Variants in CDH18 observed in about 807,000 individuals in gnomAD.
The protein encoded by CDH18 is cadherin-18.
In CDH18, 31 loss-of-function variants were observed where a neutral mutation model predicts 67.9. The ratio of observed to expected loss-of-function variants is 0.46; its 90% CI spans 0.34 to 0.62. The LOEUF is 0.62. CDH18 is among the 20% of genes least tolerant of loss of function. The probability of loss-of-function intolerance (pLI) is 0.01; values close to 1 mark genes in which losing one functional copy is unlikely to be tolerated. For synonymous variants in CDH18, 362 were observed against 347.2 expected, an observed-to-expected ratio of 1.04 and a Z score of -0.48; for missense variants, 890 against 975.5, an observed-to-expected ratio of 0.91 and a Z score of 1.17.
At chr5:19,564,032 C>G (rs569979725) in intron 8 of CDH18, among the ~76,000 whole-genome samples, 3 of 152,280 alleles carry the variant, frequency 2.0e-5, no homozygotes, top group South Asian at 4.1e-4. Flanking sequence ...GCCTTTAGAC[C>G]AGCACAGGCT....
At chr5:20,193,107 T>C (rs1029010211) in intron 2 of CDH18, among the ~76,000 whole-genome samples, 2 of 152,122 alleles carry the variant, frequency 1.3e-5, no homozygotes, top group African/African-American at 4.8e-5. Context: ...ATTCTCTTTG[T>C]AGCAATTGTG....
chr5:20,421,652 G>A (rs11743074), intron 1 of CDH18, among the ~76,000 whole-genome samples: 119,212 of 150,602 alleles, frequency 0.79, 47,875 homozygotes, highest in Admixed American at 0.87. Flanking sequence ...AAACTGCAGA[G>A]TCATGGGTTA....
chr5:19,908,334 T>C (rs1002517270), intron 2 of CDH18, among the ~76,000 whole-genome samples: 2 of 152,102 alleles, frequency 1.3e-5, no homozygotes, highest in Non-Finnish European at 2.9e-5. Context: ...AAAACTTTAA[T>C]CTCATTTAAC....
chr5:20,461,502 T>A (rs1176404332), intron 1 of CDH18, among the ~76,000 whole-genome samples: 2 of 152,110 alleles, frequency 1.3e-5, no homozygotes, highest in Non-Finnish European at 2.9e-5. Flanking sequence ...GGAGATTCCC[T>A]CAAACCTGAT....
In CDH18 at chr5:19,916,212, T is replaced by C. The variant is rs545185526; in HGVS notation, c.-257+64848A>G. 5.3e-5 allele frequency among the ~76,000 whole-genome samples: 8 copies of C among 152,276 alleles called. No individual in the cohort carries two copies. The Middle Eastern group carries it at 0.014, about 259-fold the overall frequency. ...GCCACACGTCCTTTATGCCAGCCCA[T>C]AGAGCACTGCAAGATCTGGCCTCTA... On this transcript the variant is annotated intron_variant, in intron 2 of 12. Coordinates refer to ENST00000382275, the MANE Select transcript of CDH18 (RefSeq NM_004934.5).
chr5:20,567,711 G>A (rs1758592471), intron 1 of CDH18, among the ~76,000 whole-genome samples: 1 of 152,156 alleles, frequency 6.6e-6, no homozygotes, highest in African/African-American at 2.4e-5. Flanking sequence ...AGCTGGAAAA[G>A]GAGAAATGTT....
Position 19,617,281 on chromosome 5 carries a change from C to G in CDH18, c.644-4680G>C, listed in dbSNP as rs183883921. Among the ~76,000 whole-genome samples, 1,070 of 152,152 alleles carry G rather than the reference C, an allele frequency of 7.0e-3. 7 individuals are homozygous for G. The highest frequency in any genetic ancestry group is 0.02 in the African/African-American group (839 of 41,522). Reference sequence around the variant, plus strand: ...ATTTTTCTCAATTGTAAAAGGTAAGCCAATGGATAAAGATAGAATAAACTA... The same window carrying G: ...ATTTTTCTCAATTGTAAAAGGTAAGGCAATGGATAAAGATAGAATAAACTA... On this transcript the variant is annotated intron_variant, in intron 5 of 12. Coordinates refer to ENST00000382275, the MANE Select transcript of CDH18 (RefSeq NM_004934.5).
chr5:19,910,464 C>G (rs1483798080), intron 2 of CDH18, among the ~76,000 whole-genome samples: 2 of 152,224 alleles, frequency 1.3e-5, no homozygotes, highest in East Asian at 3.9e-4. Flanking sequence ...GAATTTAGCT[C>G]TATTCAGTTG....
intron 5 of CDH18, among the ~76,000 whole-genome samples, chr5:19,625,297 A>C (rs924979148): frequency 6.6e-6 from 1 of 152,030 alleles, no homozygotes; most frequent in South Asian, 2.1e-4. Flanking sequence ...ATGCAAATTT[A>C]ATTCTTGTTT....
At chr5:19,729,028 A>G (rs1281980208) in intron 4 of CDH18, among the ~76,000 whole-genome samples, 1 of 152,190 alleles carries the variant, frequency 6.6e-6, no homozygotes, top group Non-Finnish European at 1.5e-5. Flanking sequence ...TATTTCTGCA[A>G]GTACACATAT....
chr5:20,562,587 A>G (rs1057249967), intron 1 of CDH18, among the ~76,000 whole-genome samples: 6 of 151,668 alleles, frequency 4.0e-5, no homozygotes, highest in Non-Finnish European at 5.9e-5. Flanking sequence ...ATTCTAATAT[A>G]TCTTATAATT....
At position 20,414,876 on chromosome 5, in the gene CDH18, G is replaced by A. The variant is rs532607332; in HGVS notation, c.-579-159371C>T. On this transcript the variant is annotated intron_variant, in intron 1 of 14. Coordinates refer to the CDH18 transcript ENST00000507958. Reference sequence around the variant, plus strand: ...GGTCTAGAGAAATTGGAACCCTTGTGCACTCTTGGTGATAATGCAAAATGG... The same window carrying A: ...GGTCTAGAGAAATTGGAACCCTTGTACACTCTTGGTGATAATGCAAAATGG... Among the ~76,000 whole-genome samples the A allele has an allele frequency of 6.0e-4, 92 of 152,222 alleles. 1 individual carries two copies. Among genetic ancestry groups the A allele is most frequent in the African/African-American group, 2.1e-3 (87 of 41,536 alleles).
At chr5:20,098,358 T>A (rs1746167469) in intron 2 of CDH18, among the ~76,000 whole-genome samples, 1 of 152,078 alleles carries the variant, frequency 6.6e-6, no homozygotes, top group South Asian at 2.1e-4. Flanking sequence ...TGATTTTATA[T>A]AGACACTGTG....
At chr5:19,891,979 G>A (rs139360565) in intron 2 of CDH18, among the ~76,000 whole-genome samples, 1 of 152,254 alleles carries the variant, frequency 6.6e-6, no homozygotes, top group East Asian at 1.9e-4. Flanking sequence ...TTTTTATTTG[G>A]CTGTGTTTCA....
Position 19,773,444 on chromosome 5 carries a change from G to C in CDH18, c.229-26208C>G, listed in dbSNP as rs192528588. 3.8e-3 allele frequency among the ~76,000 whole-genome samples: 584 copies of C among 152,256 alleles called. 6 individuals are homozygous for C. The highest frequency in any genetic ancestry group is 0.013 in the African/African-American group (559 of 41,566). On this transcript the variant is annotated intron_variant, in intron 3 of 12. Coordinates refer to ENST00000382275, the MANE Select transcript of CDH18 (RefSeq NM_004934.5). Reference sequence around the variant, plus strand: ...CAAATTGTAATTTGACTTACAAGGGGCAAGCATGGAGAAAACCTCACAGTT... The same window carrying C: ...CAAATTGTAATTTGACTTACAAGGGCCAAGCATGGAGAAAACCTCACAGTT...
chr5:20,443,695 C>A (rs898123056), intron 1 of CDH18, among the ~76,000 whole-genome samples: 1 of 151,806 alleles, frequency 6.6e-6, no homozygotes, highest in South Asian at 2.1e-4. Context: ...ATATTGCCTC[C>A]TTTATATCAT....
chr5:19,493,632 C>A (rs1210193933), intron 11 of CDH18, among the ~76,000 whole-genome samples: 1 of 151,494 alleles, frequency 6.6e-6, no homozygotes, highest in East Asian at 1.9e-4. Context: ...TGACAATATG[C>A]AAAGTGTATT....
Position 19,591,045 on chromosome 5 carries a change from T to G in CDH18, c.999+12A>C. On this transcript the variant is annotated intron_variant, in intron 7 of 12. Transcript: ENST00000382275. The stretch of plus-strand genomic sequence containing the variant: ...TGAGTTGCCTGAATCACAAAAAGTA[T>G]GTTCTTTTTACCTTCTTTAAAGAAA... The G allele has an allele frequency of 6.6e-7, 1 of 1,523,394 alleles. No homozygotes were observed. The highest frequency in any genetic ancestry group is 8.9e-7 in the Non-Finnish European group (1 of 1,124,446). The allele number at this position is 1,523,394 out of a possible 1,614,324, so 94.4% of individuals were successfully genotyped here.
intron 4 of CDH18, among the ~76,000 whole-genome samples, chr5:19,741,896 T>C (rs1769260336): frequency 6.6e-6 from 1 of 152,058 alleles, no homozygotes; most frequent in African/African-American, 2.4e-5. Context: ...CTACTAAACA[T>C]CCTACAAGGC....
Sources: gnomAD v4.1 joint callset for allele counts (sites outside exome capture counted in the v4.1 genomes callset) on GRCh38, gnomAD v4.1.1 for gene constraint, MANE v1.5 for transcripts, NCBI Gene and HGNC (gene_info 2026-07-23, HGNC 2026-07-21) for gene names.